GMDS: variants seen among roughly 807,000 people sequenced by gnomAD.
GMDS encodes GDP-mannose 4,6-dehydratase.
Under a neutral mutation model 49.9 loss-of-function variants are expected in GMDS, and 20 were observed. The ratio of observed to expected loss-of-function variants is 0.40; its 90% CI spans 0.28 to 0.58. The LOEUF (loss-of-function observed/expected upper bound fraction) is 0.58, where lower values mean the gene tolerates loss of function less well. GMDS is among the 20% of genes least tolerant of loss of function. The probability of loss-of-function intolerance (pLI) is 0.42; values close to 1 mark genes in which losing one functional copy is unlikely to be tolerated. For missense variants in GMDS, 362 were observed against 481.4 expected, an observed-to-expected ratio of 0.75 and a Z score of 2.32; for synonymous variants, 177 against 178.6, an observed-to-expected ratio of 0.99 and a Z score of 0.07.
chr6:1,642,978 T>A (rs1285558374), intron 9 of GMDS, among the ~76,000 whole-genome samples: 1 of 152,188 alleles, frequency 6.6e-6, no homozygotes, highest in Non-Finnish European at 1.5e-5. Flanking sequence ...ACAGCCCTGG[T>A]CTTAGCAGAG....
chr6:1,862,110 A>G (rs968195548), intron 7 of GMDS, among the ~76,000 whole-genome samples: 1 of 152,196 alleles, frequency 6.6e-6, no homozygotes, highest in Non-Finnish European at 1.5e-5. Context: ...TACAGACAAT[A>G]ACTAGAACAG....
intron 1 of GMDS, among the ~76,000 whole-genome samples, chr6:2,168,773 T>C (rs1777798454): frequency 6.6e-6 from 1 of 152,190 alleles, no homozygotes; most frequent in Non-Finnish European, 1.5e-5. Context: ...ATAAATTTAA[T>C]ACAAGTATTG....
At chr6:1,651,017 C>G (rs543342117) in intron 9 of GMDS, among the ~76,000 whole-genome samples, 1 of 152,366 alleles carries the variant, frequency 6.6e-6, no homozygotes, top group East Asian at 1.9e-4. Context: ...CCTGAGAAGG[C>G]AGGGCCAGCT....
At chr6:2,137,206 A>G (rs1251638145) in intron 1 of GMDS, among the ~76,000 whole-genome samples, 4 of 152,244 alleles carry the variant, frequency 2.6e-5, no homozygotes, top group Non-Finnish European at 4.4e-5. Context: ...CTTCAATTTC[A>G]ACATGAATTC....
chr6:1,998,529 A>G (rs1766437603), intron 4 of GMDS, among the ~76,000 whole-genome samples: 1 of 152,224 alleles, frequency 6.6e-6, no homozygotes, highest in African/African-American at 2.4e-5. Flanking sequence ...AAATATTAAC[A>G]GTCAGCCCTT....
intron 7 of GMDS, among the ~76,000 whole-genome samples, chr6:1,817,121 A>C (rs573524898): frequency 6.6e-6 from 1 of 150,574 alleles, no homozygotes; most frequent in Admixed American, 6.7e-5. Flanking sequence ...ACACACACAC[A>C]CACACACTCA....
At chr6:1,892,373 CT>C (rs1759910867) in intron 7 of GMDS, among the ~76,000 whole-genome samples, 1 of 151,982 alleles carries the variant, frequency 6.6e-6, no homozygotes, top group Non-Finnish European at 1.5e-5. Flanking sequence ...AAGCTTTTTT[CT>C]TTTTAGATGG....
At chr6:1,690,889 G>A (rs956745874) in intron 9 of GMDS, among the ~76,000 whole-genome samples, 3 of 152,162 alleles carry the variant, frequency 2.0e-5, no homozygotes, top group Non-Finnish European at 2.9e-5. Context: ...GGAGAGATAG[G>A]GACGCTTTTA....
At chr6:1,790,480 C>G (rs889742897) in intron 7 of GMDS, among the ~76,000 whole-genome samples, 1 of 152,158 alleles carries the variant, frequency 6.6e-6, no homozygotes, top group African/African-American at 2.4e-5. Flanking sequence ...CTCTTTGACT[C>G]TAGCACCTAA....
intron 4 of GMDS, among the ~76,000 whole-genome samples, chr6:2,066,290 C>A (rs574904517): frequency 6.7e-6 from 1 of 149,042 alleles, no homozygotes; most frequent in Admixed American, 6.7e-5. Context: ...AAAGGAACAA[C>A]CGGTACCAGC....
At chr6:1,874,306 T>C (rs1212697245) in intron 7 of GMDS, among the ~76,000 whole-genome samples, 3 of 152,182 alleles carry the variant, frequency 2.0e-5, no homozygotes, top group Non-Finnish European at 4.4e-5. Context: ...AAGTGAACAT[T>C]TAAGTTGTGG....
intron 1 of GMDS, among the ~76,000 whole-genome samples, chr6:2,158,447 AAAG>A (rs1309133539): frequency 1.3e-5 from 2 of 152,234 alleles, no homozygotes; most frequent in Non-Finnish European, 2.9e-5. Flanking sequence ...GAAAAATGAA[AAAG>A]AATTGTAAAG....
At chr6:1,863,671 T>G (rs1328498441) in intron 7 of GMDS, among the ~76,000 whole-genome samples, 1 of 152,190 alleles carries the variant, frequency 6.6e-6, no homozygotes, top group Non-Finnish European at 1.5e-5. Context: ...ATTAAAGATT[T>G]AGACAGGTTT....
At chr6:1,964,261 T>C (rs763055136) in intron 4 of GMDS, among the ~76,000 whole-genome samples, 2 of 152,166 alleles carry the variant, frequency 1.3e-5, no homozygotes, top group Non-Finnish European at 2.9e-5. Flanking sequence ...AAGGGACCAG[T>C]CAATTTTGAA....
intron 4 of GMDS, among the ~76,000 whole-genome samples, chr6:2,081,995 A>G (rs943112323): frequency 9.9e-5 from 15 of 152,180 alleles, no homozygotes; most frequent in African/African-American, 3.6e-4. Flanking sequence ...ACCACTGCCA[A>G]AAAGTTCAGG....
Position 1,775,028 on chromosome 6 carries a change from C to T in GMDS, c.772-32442G>A, listed in dbSNP as rs3823264. Among the ~76,000 whole-genome samples the T allele has an allele frequency of 1.5e-4, 23 of 152,238 alleles. 1 individual carries two copies. The East Asian group carries it at 4.2e-3, about 28-fold the overall frequency. ...TTCCGAAAGACAAGTCTGTTAGAGACAACAACTTAATAAAATCTGTAACAG... is the reference window on the plus strand; with the variant it reads ...TTCCGAAAGACAAGTCTGTTAGAGATAACAACTTAATAAAATCTGTAACAG... On this transcript the variant is annotated intron_variant, in intron 7 of 10. Transcript: ENST00000380815.
intron 7 of GMDS, among the ~76,000 whole-genome samples, chr6:1,864,604 T>C (rs188061501): frequency 3.3e-5 from 5 of 152,324 alleles, no homozygotes; most frequent in Admixed American, 2.0e-4. Context: ...GTTGACTAAA[T>C]GTGGCAAAGG....
chr6:1,706,219 G>A (rs969834256), intron 9 of GMDS, among the ~76,000 whole-genome samples: 1 of 152,214 alleles, frequency 6.6e-6, no homozygotes. Flanking sequence ...TGTGTGCGGT[G>A]TGCTGGCACC....
At chr6:1,916,602 T>C (rs142673473) in intron 7 of GMDS, among the ~76,000 whole-genome samples, 18 of 152,206 alleles carry the variant, frequency 1.2e-4, no homozygotes, top group African/African-American at 4.3e-4. Context: ...CACAGTGACT[T>C]AGGAAGAATC....
Sources: allele counts gnomAD v4.1 joint callset (sites outside exome capture counted in the v4.1 genomes callset), GRCh38; gene constraint gnomAD v4.1.1; transcripts MANE v1.5; gene names NCBI Gene and HGNC (gene_info 2026-07-23, HGNC 2026-07-21).